CNTN4: variants seen among roughly 807,000 people sequenced by gnomAD.
CNTN4 encodes the protein contactin 4, also known as contactin-4.
CNTN4 carries 77 observed loss-of-function variants against 122.5 expected under a neutral mutation model. The observed-to-expected ratio is 0.63, with a 90% confidence interval of 0.52 to 0.76. CNTN4 has a LOEUF of 0.76. CNTN4 is among the 30% of genes least tolerant of loss of function. CNTN4 has a pLI of 0.00. For missense variants in CNTN4, 1,256 were observed against 1,259.1 expected (o/e 1.00, Z 0.04); for synonymous variants, 512 against 447.0 (o/e 1.15, Z -1.83).
At chr3:2,192,679 T>C (rs560321378) in intron 2 of CNTN4, among the ~76,000 whole-genome samples, 14 of 152,238 alleles carry the variant, frequency 9.2e-5, no homozygotes, top group Non-Finnish European at 1.8e-4. Context: ...TTCTACTTCT[T>C]GTGAGAGCAG....
intron 2 of CNTN4, among the ~76,000 whole-genome samples, chr3:2,244,632 A>G (rs1275841625): frequency 1.3e-5 from 2 of 152,118 alleles, no homozygotes; most frequent in Admixed American, 1.3e-4. Flanking sequence ...TGTTACTGCT[A>G]GAAAATTTCA....
At chr3:3,040,312 C>T (rs370353191) in intron 20 of CNTN4, 41 bp downstream of exon 20, 1 of 1,440,902 alleles carries the variant, frequency 6.9e-7, no homozygotes, top group South Asian at 1.1e-5. Flanking sequence ...GTTAATATTT[C>T]TTCAATTCTA....
Position 2,920,499 on chromosome 3 carries a change from C to T in CNTN4, c.1208-5130C>T, listed in dbSNP as rs557528461. 3.0e-4 allele frequency among the ~76,000 whole-genome samples: 46 copies of T among 151,584 alleles called. No individual in the cohort carries two copies. In the South Asian group the frequency reaches 5.7e-3, roughly 19 times the overall value. On this transcript the variant is annotated intron_variant, in intron 12 of 24. Transcript: ENST00000418658. ...CATAAGATGTAACCATTGGGGGAGA[C>T]GGGGTGAAGGATGCACAGGACCTTT...
rs550816925 is a variant in CNTN4, at chr3:2,859,826, G to A, written c.455-6926G>A. 7.9e-5 allele frequency among the ~76,000 whole-genome samples: 12 copies of A among 152,140 alleles called. No homozygotes were observed. The South Asian group carries it at 1.7e-3, about 21-fold the overall frequency. ...TTAAATTACTTTCAAGTTAAATTCC[G>A]TAACTTCCACCCACAATTTCTTAAA... On this transcript the variant is annotated intron_variant, in intron 7 of 24. Transcript: ENST00000418658.
In CNTN4 at chr3:2,881,369, C is replaced by T. The variant is rs140626832; in HGVS notation, c.653-1776C>T. Among the ~76,000 whole-genome samples the T allele has an allele frequency of 1.9e-3, 286 of 152,148 alleles. 1 individual carries two copies. The highest frequency in any genetic ancestry group is 3.3e-3 in the Non-Finnish European group (225 of 67,984). ...CGCTACTAAAAATACAAAAAGTAGC[C>T]ATGCATGGTGGCACGTGCCTGTAGT... On this transcript the variant is annotated intron_variant, in intron 8 of 24. Coordinates refer to ENST00000418658, the MANE Select transcript of CNTN4 (RefSeq NM_175607.3).
At chr3:2,923,855 T>C (rs1394946609) in intron 12 of CNTN4, among the ~76,000 whole-genome samples, 1 of 152,240 alleles carries the variant, frequency 6.6e-6, no homozygotes, top group East Asian at 1.9e-4. Flanking sequence ...AAATATTGAG[T>C]AGGTGTCCTG....
At chr3:2,828,127 G>A (rs1056357409) in intron 7 of CNTN4, among the ~76,000 whole-genome samples, 7 of 151,996 alleles carry the variant, frequency 4.6e-5, no homozygotes, top group Admixed American at 3.9e-4. Context: ...GTGTGTTTGT[G>A]TATGTGTGTG....
At chr3:2,174,092 G>A (rs2036636261) in intron 2 of CNTN4, among the ~76,000 whole-genome samples, 1 of 152,092 alleles carries the variant, frequency 6.6e-6, no homozygotes, top group Non-Finnish European at 1.5e-5. Flanking sequence ...TTGGTGAGTA[G>A]TTGAATAAGG....
intron 4 of CNTN4, among the ~76,000 whole-genome samples, chr3:2,706,132 A>G (rs1309488855): frequency 6.6e-6 from 1 of 150,934 alleles, no homozygotes; most frequent in Non-Finnish European, 1.5e-5. Context: ...ATCTAGCAGA[A>G]TAGCCAAATG....
intron 13 of CNTN4, among the ~76,000 whole-genome samples, chr3:2,958,336 A>G (rs1339839881): frequency 6.6e-6 from 1 of 152,164 alleles, no homozygotes; most frequent in Non-Finnish European, 1.5e-5. Flanking sequence ...TATATATTTT[A>G]AGTAATCAAA....
chr3:2,203,232 A>G (rs1158961643), intron 2 of CNTN4, among the ~76,000 whole-genome samples: 3 of 152,174 alleles, frequency 2.0e-5, no homozygotes. Flanking sequence ...GTGTAAAATG[A>G]AAGCATTAGG....
intron 6 of CNTN4, among the ~76,000 whole-genome samples, chr3:2,819,271 C>A (rs1003750581): frequency 6.6e-6 from 1 of 152,010 alleles, no homozygotes; most frequent in Non-Finnish European, 1.5e-5. Context: ...TAAATAGGCA[C>A]GTGTGGTAAG....
chr3:2,809,818 G>A (rs908284455), intron 6 of CNTN4, among the ~76,000 whole-genome samples: 3 of 152,108 alleles, frequency 2.0e-5, no homozygotes, highest in African/African-American at 7.2e-5. Context: ...AACACACAGG[G>A]AAACTCAGAC....
chr3:2,912,014 C>T (rs1201521326), intron 12 of CNTN4, among the ~76,000 whole-genome samples: 1 of 151,914 alleles, frequency 6.6e-6, no homozygotes, highest in African/African-American at 2.4e-5. Flanking sequence ...TGGCAGAGAG[C>T]CTATCTGAAG....
At chr3:2,244,811 A>T (rs905374918) in intron 2 of CNTN4, among the ~76,000 whole-genome samples, 1 of 151,550 alleles carries the variant, frequency 6.6e-6, no homozygotes, top group Admixed American at 6.6e-5. Context: ...CAAGCATGGA[A>T]ACATGTGGCG....
chr3:2,816,897 A>T (rs1310461392), intron 6 of CNTN4, among the ~76,000 whole-genome samples: 1 of 151,890 alleles, frequency 6.6e-6, no homozygotes, highest in Non-Finnish European at 1.5e-5. Flanking sequence ...AAGGAAAAAA[A>T]TTTAATAAAT....
intron 3 of CNTN4, among the ~76,000 whole-genome samples, chr3:2,446,435 G>A (rs2048628434): frequency 6.6e-6 from 1 of 152,162 alleles, no homozygotes; most frequent in Non-Finnish European, 1.5e-5. Context: ...GAGTTTTAGA[G>A]AATTTTGTCA....
At chr3:2,562,693 C>CTT (rs35885719) in intron 3 of CNTN4, among the ~76,000 whole-genome samples, 1 of 146,674 alleles carries the variant, frequency 6.8e-6, no homozygotes, top group Non-Finnish European at 1.5e-5. Context: ...GTGCATGTGT[C>CTT]TTTTTTTTTT....
At chr3:3,027,735 C>G (rs1698848921) in intron 15 of CNTN4, among the ~76,000 whole-genome samples, 1 of 152,178 alleles carries the variant, frequency 6.6e-6, no homozygotes, top group South Asian at 2.1e-4. Context: ...CAAGCACCAA[C>G]CAATGAAAAC....
Sources: allele counts gnomAD v4.1 joint callset (sites outside exome capture counted in the v4.1 genomes callset), GRCh38; gene constraint gnomAD v4.1.1; transcripts MANE v1.5; gene names NCBI Gene and HGNC (gene_info 2026-07-23, HGNC 2026-07-21).